ELOVL6: variants seen among roughly 807,000 people sequenced by gnomAD.
The protein encoded by ELOVL6 is ELOVL fatty acid elongase 6.
Under a neutral mutation model 31.7 loss-of-function variants are expected in ELOVL6, and 8 were observed. The ratio of observed to expected loss-of-function variants is 0.25; its 90% CI spans 0.15 to 0.45. The LOEUF is 0.45. Ranked by LOEUF, ELOVL6 falls within the 20% of genes least tolerant of loss-of-function variation. ELOVL6 has a pLI of 1.00. For missense variants in ELOVL6, 126 were observed against 326.4 expected, an observed-to-expected ratio of 0.39 and a Z score of 4.73; for synonymous variants, 101 against 117.7, an observed-to-expected ratio of 0.86 and a Z score of 0.92.
At chr4:110,056,121 C>CTGG (rs1319413464) in intron 3 of ELOVL6, among the ~76,000 whole-genome samples, 6 of 81,372 alleles carry the variant, frequency 7.4e-5, no homozygotes, top group Admixed American at 6.8e-4. Context: ...TTTGTGGGAG[C>CTGG]TGGGGGGGGG....
chr4:110,051,796 C>T lies in ELOVL6; in HGVS notation c.374-34G>A, dbSNP rs1431322685. 17 of 1,569,876 alleles carry T rather than the reference C, an allele frequency of 1.1e-5. No homozygotes were observed. The highest frequency in any genetic ancestry group is 1.4e-5 in the Non-Finnish European group (16 of 1,149,838). Reference sequence around the variant, plus strand: ...CAAAGAGGAAGAAGGTACGTGAGATCCTTGACCACCAGTAACGATGACTTA... The same window carrying T: ...CAAAGAGGAAGAAGGTACGTGAGATTCTTGACCACCAGTAACGATGACTTA... On this transcript the variant is annotated intron_variant, in intron 3 of 3. Coordinates refer to ENST00000302274, the MANE Select transcript of ELOVL6 (RefSeq NM_024090.3). The surrounding 1 kb of genome is among the most constrained non-coding windows in gnomAD (Gnocchi z 4.8).
intron 2 of ELOVL6, among the ~76,000 whole-genome samples, chr4:110,104,655 C>T (rs72679216): frequency 0.044 from 6,622 of 152,028 alleles, 203 homozygotes; most frequent in Non-Finnish European, 0.062. Flanking sequence ...ACATTTACTC[C>T]GCTCCCGTTC....
chr4:110,179,029 A>C (rs1759197711), intron 1 of ELOVL6, among the ~76,000 whole-genome samples: 1 of 152,278 alleles, frequency 6.6e-6, no homozygotes, highest in East Asian at 1.9e-4. Context: ...TGCTTTTACA[A>C]GTGTCTCTGC....
intron 1 of ELOVL6, among the ~76,000 whole-genome samples, chr4:110,194,064 T>G (rs1759704051): frequency 6.6e-6 from 1 of 152,326 alleles, no homozygotes; most frequent in East Asian, 1.9e-4. Context: ...CCTGGCAGGC[T>G]GCTGAAAGAG....
chr4:110,070,809 TAA>T (rs1344620186), intron 2 of ELOVL6, among the ~76,000 whole-genome samples: 4 of 152,182 alleles, frequency 2.6e-5, no homozygotes, highest in African/African-American at 9.6e-5. Context: ...ACCATGATTG[TAA>T]GTTTCCTGAG....
chr4:110,169,262 G>A (rs973467984), intron 1 of ELOVL6, among the ~76,000 whole-genome samples: 1 of 130,348 alleles, frequency 7.7e-6, no homozygotes, highest in Non-Finnish European at 1.6e-5. Flanking sequence ...TTTTTGAGAC[G>A]GAGTCTCGCT....
chr4:110,068,727 C>T (rs894074979), intron 2 of ELOVL6, among the ~76,000 whole-genome samples: 12 of 152,126 alleles, frequency 7.9e-5, no homozygotes, highest in African/African-American at 2.9e-4. Flanking sequence ...GAGTGTGCAA[C>T]TGGAAAAGAG....
At chr4:110,092,684 G>A (rs1756458073) in intron 2 of ELOVL6, among the ~76,000 whole-genome samples, 1 of 152,124 alleles carries the variant, frequency 6.6e-6, no homozygotes, top group Admixed American at 6.6e-5. Flanking sequence ...TTTTATTTAT[G>A]GACGTCAGCA....
intron 2 of ELOVL6, among the ~76,000 whole-genome samples, chr4:110,084,560 A>T (rs1420939840): frequency 7.0e-4 from 34 of 48,850 alleles, no homozygotes; most frequent in African/African-American, 4.6e-3. Flanking sequence ...ACACACACAC[A>T]CAGATATATA....
chr4:110,075,814 G>A (rs1755611628), intron 2 of ELOVL6, among the ~76,000 whole-genome samples: 1 of 152,132 alleles, frequency 6.6e-6, no homozygotes, highest in African/African-American at 2.4e-5. Flanking sequence ...GGCCTTAAAT[G>A]TCTCTAACTC....
intron 1 of ELOVL6, among the ~76,000 whole-genome samples, chr4:110,171,259 A>C (rs990238885): frequency 6.6e-6 from 1 of 151,980 alleles, no homozygotes; most frequent in African/African-American, 2.4e-5. Flanking sequence ...ACAATACAAA[A>C]TTAGCTGGGT....
chr4:110,053,425 T>C (rs1560798138), intron 3 of ELOVL6, among the ~76,000 whole-genome samples: 1 of 152,212 alleles, frequency 6.6e-6, no homozygotes, highest in Non-Finnish European at 1.5e-5. Flanking sequence ...ATACAGGTGG[T>C]GCCCCATTCC....
rs1270150041 is a variant in ELOVL6 at position 110,047,219 on chromosome 4, T to C, written c.*4119A>G. 6.6e-6 allele frequency: 1 copy of C among 152,056 alleles called. No homozygotes were observed. The highest frequency in any genetic ancestry group is 2.4e-5 in the African/African-American group (1 of 41,416). 9.4% of individuals were successfully genotyped at this position (152,056 alleles called of 1,614,324 possible). ...AAGAGGTGGACATGGACCATGCTTA[T>C]ACAACTTAAAGCTCTGAACTCTGAG... On this transcript the variant is annotated 3_prime_UTR_variant, in exon 4 of 4. Coordinates refer to ENST00000302274, the MANE Select transcript of ELOVL6 (RefSeq NM_024090.3).
chr4:110,166,485 G>A (rs770946741), intron 1 of ELOVL6, among the ~76,000 whole-genome samples: 10 of 151,946 alleles, frequency 6.6e-5, no homozygotes, highest in Non-Finnish European at 1.0e-4. Context: ...GGTGGTACGC[G>A]CCCTGTAGTC....
chr4:110,077,150 T>G (rs896481931), intron 2 of ELOVL6, among the ~76,000 whole-genome samples: 6 of 152,186 alleles, frequency 3.9e-5, no homozygotes, highest in African/African-American at 1.2e-4. Flanking sequence ...CTCTGTAGAC[T>G]CCACCTCTGG....
rs535092003 is a variant in ELOVL6 at position 110,088,963 on chromosome 4, G to A, written c.221+16534C>T. On this transcript the variant is annotated intron_variant, in intron 2 of 3. Transcript: ENST00000302274. Reference sequence around the variant, plus strand: ...AACTGAAACCACAGAAAGTAAAATCGTGGGTAAGGGAAACTACTGCACTCG... The same window carrying A: ...AACTGAAACCACAGAAAGTAAAATCATGGGTAAGGGAAACTACTGCACTCG... Among the ~76,000 whole-genome samples, 12 of 152,234 alleles carry A rather than the reference G, an allele frequency of 7.9e-5. No homozygotes were observed. In the East Asian group the frequency reaches 9.7e-4, roughly 12 times the overall value.
intron 1 of ELOVL6, among the ~76,000 whole-genome samples, chr4:110,184,223 C>A (rs1759376953): frequency 6.6e-6 from 1 of 152,108 alleles, no homozygotes; most frequent in Admixed American, 6.6e-5. Flanking sequence ...CAAAGCAGTG[C>A]CAGATAATAT....
chr4:110,089,105 T>C (rs1756347597), intron 2 of ELOVL6, among the ~76,000 whole-genome samples: 2 of 152,206 alleles, frequency 1.3e-5, no homozygotes, highest in Admixed American at 1.3e-4. Flanking sequence ...TCTTTCTCTT[T>C]CCAGCAAATG....
intron 1 of ELOVL6, among the ~76,000 whole-genome samples, chr4:110,186,857 A>T (rs1157600745): frequency 6.9e-6 from 1 of 144,282 alleles, no homozygotes; most frequent in Non-Finnish European, 1.5e-5. Context: ...ATATATATAC[A>T]CACACAAATA....
Sources: allele counts gnomAD v4.1 joint callset (sites outside exome capture counted in the v4.1 genomes callset), GRCh38; gene constraint gnomAD v4.1.1; non-coding constraint Gnocchi (gnomAD v3.1); transcripts MANE v1.5; gene names NCBI Gene and HGNC (gene_info 2026-07-23, HGNC 2026-07-21).